The following TRPC5OS variants were observed in gnomAD, a reference collection of about 807,000 sequenced individuals.
The protein encoded by TRPC5OS is putative uncharacterized protein TRPC5OS.
For synonymous variants in TRPC5OS, 30 were observed against 29.3 expected, an observed-to-expected ratio of 1.02 and a Z score of -0.08; for missense variants, 64 against 79.3, an observed-to-expected ratio of 0.81 and a Z score of 0.73.
At chrX:111,893,466 A>T (rs1421631257) in intron 1 of TRPC5OS, among the ~76,000 whole-genome samples, 2 of 111,799 alleles carry the variant, frequency 1.8e-5, no homozygotes, top group Non-Finnish European at 3.8e-5. Context: ...GAAACACTGT[A>T]TCTGTCTAGG....
rs58112324 is a variant in TRPC5OS at position 111,898,251 on chromosome X, T to TTATATA, written c.-311+1777_-311+1782dup. 4.6e-3 allele frequency among the ~76,000 whole-genome samples: 425 copies of TTATATA among 92,369 alleles called. 2 individuals are homozygous for TTATATA. Among genetic ancestry groups the TTATATA allele is most frequent in the African/African-American group, 0.015 (387 of 25,579 alleles). 80.2% of individuals were successfully genotyped at this position (92,369 alleles called of 115,157 possible). ...TTTTATTATTGAGTTGTAGGGGTTC[T>TTATATA]TATATATATATATATATATATATAT... On this transcript the variant is annotated intron_variant, in intron 3 of 3. Coordinates refer to ENST00000635763, the MANE Select transcript of TRPC5OS (RefSeq NM_001195578.2).
chrX:111,897,234 C>A (rs1190600918), intron 3 of TRPC5OS, among the ~76,000 whole-genome samples: 1 of 111,333 alleles, frequency 9.0e-6, no homozygotes, highest in Non-Finnish European at 1.9e-5. Flanking sequence ...GGATACTCAA[C>A]CTGTAATATA....
At chrX:111,889,884 C>T (rs1924719277) in intron 1 of TRPC5OS, among the ~76,000 whole-genome samples, 2 of 111,144 alleles carry the variant, frequency 1.8e-5, no homozygotes, top group Admixed American at 1.9e-4. Flanking sequence ...TTCAGCTAGG[C>T]TTTTTGTATC....
At chrX:111,900,743 G>A (rs1161521704) in intron 3 of TRPC5OS, among the ~76,000 whole-genome samples, 4 of 111,661 alleles carry the variant, frequency 3.6e-5, no homozygotes, top group Non-Finnish European at 7.5e-5. Context: ...TAGAAAACCT[G>A]TGAATCAAAT....
chrX:111,877,106 G>T (rs972078344), intron 1 of TRPC5OS, among the ~76,000 whole-genome samples: 1 of 111,843 alleles, frequency 8.9e-6, no homozygotes, highest in African/African-American at 3.2e-5. Flanking sequence ...GGAGTAGGGT[G>T]ATAGCATGGC....
chrX:111,891,486 A>G lies in TRPC5OS; in HGVS notation c.-545-4465A>G, dbSNP rs999058963. 3.6e-5 allele frequency among the ~76,000 whole-genome samples: 4 copies of G among 111,918 alleles called. No individual in the cohort carries two copies. In the Admixed American group the frequency reaches 3.8e-4, roughly 11 times the overall value. On this transcript the variant is annotated intron_variant, in intron 1 of 3. Transcript: ENST00000635763. ...AGTCAGTTACCCTCTTTGGTTCTTCATATCCTCAATTGTAAAATAGGTATA... is the reference window on the plus strand; with the variant it reads ...AGTCAGTTACCCTCTTTGGTTCTTCGTATCCTCAATTGTAAAATAGGTATA...
At chrX:111,880,159 G>T (rs1340665829) in intron 1 of TRPC5OS, among the ~76,000 whole-genome samples, 1 of 109,311 alleles carries the variant, frequency 9.1e-6, no homozygotes, top group Non-Finnish European at 1.9e-5. Context: ...TATCACATCT[G>T]TCCTTGCCCT....
intron 3 of TRPC5OS, among the ~76,000 whole-genome samples, chrX:111,901,219 G>A (rs768564826): frequency 1.4e-4 from 16 of 111,554 alleles, no homozygotes; most frequent in Admixed American, 4.8e-4. Context: ...GATATAAATG[G>A]CAATGAGGCA....
At chrX:111,881,146 GTTTATTTTAT>G (rs747702186) in intron 1 of TRPC5OS, among the ~76,000 whole-genome samples, 1,636 of 101,131 alleles carry the variant, frequency 0.016, 9 homozygotes, top group Middle Eastern at 0.029. Flanking sequence ...ATTTTCTTTT[GTTTATTTTAT>G]TTTATTTTAT....
In TRPC5OS at chrX:111,901,757, C is replaced by A. The variant is rs1925356092; in HGVS notation, c.-93C>A. On this transcript the variant is annotated 5_prime_UTR_variant, in exon 4 of 4. Transcript: ENST00000635763. The stretch of plus-strand genomic sequence containing the variant: ...TTTCTGGCCTAAACCAACCACAGAA[C>A]CATTGTTAGCCCCTTATACTATCCA... 1.4e-6 allele frequency: 1 copy of A among 693,145 alleles called. No homozygotes were observed. 57.1% of individuals were successfully genotyped at this position (693,145 alleles called of 1,213,427 possible).
chrX:111,886,970 C>T (rs1210492536), intron 1 of TRPC5OS, among the ~76,000 whole-genome samples: 1 of 112,831 alleles, frequency 8.9e-6, no homozygotes, highest in Admixed American at 9.3e-5. Flanking sequence ...GTATCTTGTT[C>T]TTCCCCTGCC....
In TRPC5OS at chrX:111,886,344, A is replaced by G. The variant is rs762714265; in HGVS notation, c.-545-9607A>G. 2.7e-5 allele frequency among the ~76,000 whole-genome samples: 3 copies of G among 112,694 alleles called. No individual in the cohort carries two copies. The Admixed American group carries it at 2.8e-4, about 11-fold the overall frequency. On this transcript the variant is annotated intron_variant, in intron 1 of 3. Transcript: ENST00000635763. Reference sequence around the variant, plus strand: ...TCCTCAGTGTCAGATACTTCAGTACATACCCATGTAGCCAAGGTTGTTGTA... The same window carrying G: ...TCCTCAGTGTCAGATACTTCAGTACGTACCCATGTAGCCAAGGTTGTTGTA...
At position 111,902,022 on chromosome X, in the gene TRPC5OS, AG is replaced by A; in HGVS notation, c.174del (p.Glu58AspfsTer13). 1 of 1,155,740 alleles carries A rather than the reference AG, an allele frequency of 8.7e-7. No individual in the cohort carries two copies. Among genetic ancestry groups the A allele is most frequent in the Non-Finnish European group, 1.1e-6 (1 of 872,762 alleles). On this transcript the variant is annotated frameshift_variant, in exon 4 of 4. Transcript: ENST00000635763. LOFTEE classifies it low-confidence loss of function (END_TRUNC). ...ETEADAPLPE[E>X]PSLPDLPDLS... ...GAAGCAGATGCACCTCTTCCCGAGG[AG>A]CCTTCGCTACCTGATCTCCCTGATC...
chrX:111,880,017 G>A (rs1172366056), intron 1 of TRPC5OS, among the ~76,000 whole-genome samples: 1 of 111,796 alleles, frequency 8.9e-6, no homozygotes, highest in African/African-American at 3.2e-5. Flanking sequence ...CGTGGTAGTG[G>A]TGGTGGTGAT....
chrX:111,898,004 G>A (rs957750616), intron 3 of TRPC5OS, among the ~76,000 whole-genome samples: 1 of 110,381 alleles, frequency 9.1e-6, no homozygotes, highest in Non-Finnish European at 1.9e-5. Context: ...TAGTATAAAT[G>A]TGTGTGAGAA....
At chrX:111,899,297 A>G (rs750221596) in intron 3 of TRPC5OS, among the ~76,000 whole-genome samples, 17 of 111,649 alleles carry the variant, frequency 1.5e-4, no homozygotes, top group Non-Finnish European at 3.2e-4. Flanking sequence ...AGAGAGCAAA[A>G]TATGGAATGT....
intron 1 of TRPC5OS, among the ~76,000 whole-genome samples, chrX:111,885,542 GTTTT>G (rs760694250): frequency 1.0e-5 from 1 of 97,808 alleles, no homozygotes; most frequent in East Asian, 3.3e-4. Flanking sequence ...TAATCAAAGG[GTTTT>G]TTTTTTTTTT....
At chrX:111,877,442 C>T (rs892165314) in intron 1 of TRPC5OS, among the ~76,000 whole-genome samples, 7 of 110,809 alleles carry the variant, frequency 6.3e-5, no homozygotes, top group Non-Finnish European at 1.1e-4. Flanking sequence ...GAGGGAATTC[C>T]GAGGACACGG....
chrX:111,878,366 C>T (rs140770861), intron 1 of TRPC5OS, among the ~76,000 whole-genome samples: 170 of 111,162 alleles, frequency 1.5e-3, no homozygotes, highest in African/African-American at 5.1e-3. Flanking sequence ...CTGATTGCTT[C>T]AGTGTGATTG....
Sources: gnomAD v4.1 joint callset for allele counts (sites outside exome capture counted in the v4.1 genomes callset) on GRCh38, gnomAD v4.1.1 for gene constraint, MANE v1.5 for transcripts, NCBI Gene and HGNC (gene_info 2026-07-23, HGNC 2026-07-21) for gene names.